Variants in KCNJ6 observed in about 807,000 individuals in gnomAD.
The protein encoded by KCNJ6 is G protein-activated inward rectifier potassium channel 2.
KCNJ6 carries 9 observed loss-of-function variants against 34.2 expected under a neutral mutation model. The ratio of observed to expected loss-of-function variants is 0.26; its 90% CI spans 0.16 to 0.46. The LOEUF is 0.46. Ranked by LOEUF, KCNJ6 falls within the 20% of genes least tolerant of loss-of-function variation. The probability of loss-of-function intolerance (pLI) is 1.00; values close to 1 mark genes in which losing one functional copy is unlikely to be tolerated. For missense variants in KCNJ6, 236 were observed against 531.3 expected, an observed-to-expected ratio of 0.44 and a Z score of 5.46; for synonymous variants, 196 against 207.1, an observed-to-expected ratio of 0.95 and a Z score of 0.46.
rs929193425 is a variant in KCNJ6 at position 37,755,918 on chromosome 21, A to G, written c.26-40787T>C. Among the ~76,000 whole-genome samples the G allele has an allele frequency of 6.6e-5, 10 of 152,374 alleles. No individual in the cohort carries two copies. The East Asian group carries it at 1.9e-3, about 29-fold the overall frequency. On this transcript the variant is annotated intron_variant, in intron 2 of 3. Coordinates refer to ENST00000609713, the MANE Select transcript of KCNJ6 (RefSeq NM_002240.5). ...AGAGCCCCATGCTGTGTGAGTGCTAAATGCGGAATGCAGGCACTTTGTGAA... is the reference window on the plus strand; with the variant it reads ...AGAGCCCCATGCTGTGTGAGTGCTAGATGCGGAATGCAGGCACTTTGTGAA...
chr21:37,822,891 A>G (rs1480645602), intron 2 of KCNJ6, among the ~76,000 whole-genome samples: 1 of 152,184 alleles, frequency 6.6e-6, no homozygotes, highest in African/African-American at 2.4e-5. Context: ...TGATGTCAGC[A>G]GGGGGTGGAA....
At chr21:37,850,100 T>C (rs2055529861) in intron 1 of KCNJ6, among the ~76,000 whole-genome samples, 1 of 152,200 alleles carries the variant, frequency 6.6e-6, no homozygotes, top group Non-Finnish European at 1.5e-5. Flanking sequence ...TCTAAAATGG[T>C]TTCAGGGATG....
intron 1 of KCNJ6, among the ~76,000 whole-genome samples, chr21:37,871,736 G>A (rs2055653415): frequency 6.6e-6 from 1 of 152,238 alleles, no homozygotes; most frequent in African/African-American, 2.4e-5. Flanking sequence ...GGAGAGAGGT[G>A]AGGCTGCAGC....
chr21:37,721,137 A>C (rs552155639), intron 2 of KCNJ6, among the ~76,000 whole-genome samples: 3 of 152,388 alleles, frequency 2.0e-5, no homozygotes, highest in African/African-American at 7.2e-5. Context: ...ACATCTCTCC[A>C]AAGAAGATAT....
At chr21:37,861,797 T>C (rs1404173434) in intron 1 of KCNJ6, among the ~76,000 whole-genome samples, 2 of 152,154 alleles carry the variant, frequency 1.3e-5, no homozygotes, top group African/African-American at 2.4e-5. Flanking sequence ...CTCCGGGCCT[T>C]GGATTGTGTT....
intron 3 of KCNJ6, among the ~76,000 whole-genome samples, chr21:37,689,675 C>T (rs2054631088): frequency 6.6e-6 from 1 of 152,156 alleles, no homozygotes; most frequent in African/African-American, 2.4e-5. Context: ...AAACCAATTA[C>T]CACTGAGTAT....
At chr21:37,858,176 A>T (rs1485447232) in intron 1 of KCNJ6, among the ~76,000 whole-genome samples, 1 of 151,912 alleles carries the variant, frequency 6.6e-6, no homozygotes, top group Non-Finnish European at 1.5e-5. Flanking sequence ...TGGATCATGA[A>T]GTCAGGAGAT....
At chr21:37,817,597 T>C (rs2055352624) in intron 2 of KCNJ6, among the ~76,000 whole-genome samples, 1 of 152,210 alleles carries the variant, frequency 6.6e-6, no homozygotes, top group Admixed American at 6.5e-5. Context: ...TTTTCCTTGC[T>C]CTGAGAGACA....
chr21:37,801,405 C>T (rs931422155), intron 2 of KCNJ6, among the ~76,000 whole-genome samples: 3 of 152,192 alleles, frequency 2.0e-5, no homozygotes, highest in Non-Finnish European at 2.9e-5. Context: ...TTCTGGGACG[C>T]TTGGTTGTCC....
At chr21:37,835,206 A>G (rs1460755984) in intron 2 of KCNJ6, among the ~76,000 whole-genome samples, 1 of 152,194 alleles carries the variant, frequency 6.6e-6, no homozygotes, top group Non-Finnish European at 1.5e-5. Context: ...GCAGTAATGC[A>G]TGGCAGACAC....
At chr21:37,775,229 C>A in intron 2 of KCNJ6, among the ~76,000 whole-genome samples, 1 of 152,020 alleles carries the variant, frequency 6.6e-6, no homozygotes, top group Non-Finnish European at 1.5e-5. Context: ...TGTTTGAGTT[C>A]TTTGTAGATT....
At position 37,715,129 on chromosome 21, in the gene KCNJ6, T is replaced by C. The variant is rs763831024; in HGVS notation, c.28A>G (p.Asn10Asp). ...TCCATGGAGTCGCCCTCCAGGACGT[T>C]AGCTGGTGGTTTGGAGAAAAGAAAA... is the stretch of plus-strand genomic sequence containing the variant. MAKLTESMT[N>D]VLEGDSMDQD... Residue 10 changes from asparagine (N) to aspartate (D), a missense_variant and splice_region_variant, in exon 3 of 4, where the codon AAC becomes GAC. Physicochemically the swap from Asn to Asp is conservative, Grantham distance 23. Coordinates refer to ENST00000609713, the MANE Select transcript of KCNJ6 (RefSeq NM_002240.5). 5 of 1,606,440 alleles carry C rather than the reference T, an allele frequency of 3.1e-6. No individual in the cohort carries two copies. Among genetic ancestry groups the C allele is most frequent in the African/African-American group, 1.3e-5 (1 of 74,560 alleles).
intron 3 of KCNJ6, among the ~76,000 whole-genome samples, chr21:37,635,716 C>T (rs1483110641): frequency 1.3e-5 from 2 of 151,398 alleles, no homozygotes; most frequent in Non-Finnish European, 2.9e-5. Context: ...GGGTTTTTGC[C>T]ATGTTGCCCA....
rs184964745 is a variant in KCNJ6, at chr21:37,619,429, C to T, written c.*5730G>A. The T allele has an allele frequency of 2.0e-5, 3 of 152,318 alleles. No individual in the cohort carries two copies. Among genetic ancestry groups the T allele is most frequent in the Non-Finnish European group, 4.4e-5 (3 of 68,026 alleles). The allele number at this position is 152,318 out of a possible 1,614,324, so 9.4% of individuals were successfully genotyped here. A position where few individuals can be genotyped will look rare whatever the true frequency, so the allele number is the denominator to read the frequency against. ...ATCCAACAACCCTTTACTATACTTC[C>T]GTGTCTCCCTGAGCTCTTTTCAAAG... On this transcript the variant is annotated 3_prime_UTR_variant, in exon 4 of 4. Transcript: ENST00000609713.
intron 2 of KCNJ6, among the ~76,000 whole-genome samples, chr21:37,778,735 C>A (rs1303404671): frequency 6.8e-6 from 1 of 146,488 alleles, no homozygotes; most frequent in Non-Finnish European, 1.5e-5. Flanking sequence ...TAACACTCAT[C>A]TTCTGTTTGA....
chr21:37,723,353 G>T (rs1307251731), intron 2 of KCNJ6, among the ~76,000 whole-genome samples: 2 of 152,192 alleles, frequency 1.3e-5, no homozygotes, highest in East Asian at 3.8e-4. Context: ...AGCCACGGTG[G>T]AAAGCAATTT....
chr21:37,747,607 A>C (rs568492451), intron 2 of KCNJ6, among the ~76,000 whole-genome samples: 1 of 152,274 alleles, frequency 6.6e-6, no homozygotes, highest in South Asian at 2.1e-4. Flanking sequence ...TGTCATCACA[A>C]GAGTCCTTTT....
intron 1 of KCNJ6, among the ~76,000 whole-genome samples, chr21:37,859,343 ATATG>A (rs1327810763): frequency 3.3e-5 from 5 of 151,190 alleles, no homozygotes; most frequent in African/African-American, 9.7e-5. Context: ...AAAAGCACAC[ATATG>A]TGTGAGCATA....
At chr21:37,812,107 G>A (rs906581306) in intron 2 of KCNJ6, among the ~76,000 whole-genome samples, 1 of 152,152 alleles carries the variant, frequency 6.6e-6, no homozygotes, top group African/African-American at 2.4e-5. Flanking sequence ...CCGTGAAATT[G>A]GAAACCATGT....
Sources: gnomAD v4.1 joint callset for allele counts (sites outside exome capture counted in the v4.1 genomes callset) on GRCh38, gnomAD v4.1.1 for gene constraint, MANE v1.5 for transcripts, NCBI Gene and HGNC (gene_info 2026-07-23, HGNC 2026-07-21) for gene names.